CNTN4: variants seen among roughly 807,000 people sequenced by gnomAD.
CNTN4 encodes contactin 4, also known as contactin-4.
Under a neutral mutation model 122.5 loss-of-function variants are expected in CNTN4, and 77 were observed. That is an observed-to-expected ratio of 0.63 (90% confidence interval 0.52 to 0.76). CNTN4 has a LOEUF of 0.76. Ranked by LOEUF, CNTN4 falls within the 30% of genes least tolerant of loss-of-function variation. The probability of loss-of-function intolerance (pLI) is 0.00; values close to 1 mark genes in which losing one functional copy is unlikely to be tolerated. For synonymous variants in CNTN4, 512 were observed against 447.0 expected (o/e 1.15, Z -1.83); for missense variants, 1,256 against 1,259.1 (o/e 1.00, Z 0.04).
At chr3:2,946,003 C>CAAGAAAG in intron 13 of CNTN4, among the ~76,000 whole-genome samples, 1 of 152,194 alleles carries the variant, frequency 6.6e-6, no homozygotes, top group East Asian at 1.9e-4. Context: ...CAGAGAGTCT[C>CAAGAAAG]ATCTTCTTTC....
intron 3 of CNTN4, among the ~76,000 whole-genome samples, chr3:2,366,852 T>G (rs2045399853): frequency 6.6e-6 from 1 of 152,078 alleles, no homozygotes; most frequent in South Asian, 2.1e-4. Flanking sequence ...AAGCATTATC[T>G]TATTGACTAT....
At chr3:2,701,214 A>G (rs1019409376) in intron 4 of CNTN4, among the ~76,000 whole-genome samples, 1 of 152,208 alleles carries the variant, frequency 6.6e-6, no homozygotes, top group Non-Finnish European at 1.5e-5. Context: ...CCCACTTAGC[A>G]TCTGTAGAGT....
chr3:2,865,562 T>C (rs1024036354), intron 7 of CNTN4, among the ~76,000 whole-genome samples: 7 of 152,216 alleles, frequency 4.6e-5, no homozygotes, highest in Admixed American at 2.0e-4. Flanking sequence ...ATTTAGTTGT[T>C]CCCTTACCCT....
intron 6 of CNTN4, among the ~76,000 whole-genome samples, chr3:2,749,226 C>T (rs191111536): frequency 1.0e-3 from 152 of 152,142 alleles, no homozygotes; most frequent in African/African-American, 3.1e-3. Flanking sequence ...TGCAGTGGTG[C>T]GACCTCAGCT....
At chr3:2,999,688 C>T (rs144539011) in intron 14 of CNTN4, among the ~76,000 whole-genome samples, 450 of 152,228 alleles carry the variant, frequency 3.0e-3, no homozygotes, top group African/African-American at 1.0e-2. Context: ...ACTCCCCACA[C>T]GAAGGTCTTT....
At chr3:2,498,555 A>C (rs1481727233) in intron 3 of CNTN4, among the ~76,000 whole-genome samples, 1 of 152,120 alleles carries the variant, frequency 6.6e-6, no homozygotes, top group Non-Finnish European at 1.5e-5. Context: ...ATCATGGCTC[A>C]CTGCAGCCTT....
At chr3:2,861,050 A>C (rs2093666186) in intron 7 of CNTN4, among the ~76,000 whole-genome samples, 1 of 152,232 alleles carries the variant, frequency 6.6e-6, no homozygotes, top group Admixed American at 6.5e-5. Context: ...TTGTTGAAAA[A>C]AATGCCAAAA....
chr3:2,351,220 ATAG>A (rs1351492958), intron 3 of CNTN4, among the ~76,000 whole-genome samples: 1 of 152,174 alleles, frequency 6.6e-6, no homozygotes, highest in African/African-American at 2.4e-5. Flanking sequence ...AGACCATCTA[ATAG>A]TCAAACTAGA....
At chr3:2,125,732 T>C (rs889767452) in intron 2 of CNTN4, among the ~76,000 whole-genome samples, 3 of 151,786 alleles carry the variant, frequency 2.0e-5, no homozygotes, top group Non-Finnish European at 2.9e-5. Context: ...AAATTTTCTG[T>C]ATTTTTAGTA....
Position 2,351,822 on chromosome 3 carries a change from G to T in CNTN4, c.-89+12589G>T, listed in dbSNP as rs181225360. On this transcript the variant is annotated intron_variant, in intron 3 of 24. Coordinates refer to ENST00000418658, the MANE Select transcript of CNTN4 (RefSeq NM_175607.3). ...TGGTTACTGAGGTTGGGGGTTGAGA[G>T]GGGGAGGGAATGGGGGATTGTTGGT... Among the ~76,000 whole-genome samples the T allele has an allele frequency of 1.1e-4, 16 of 151,426 alleles. No individual in the cohort carries two copies. In the East Asian group the frequency reaches 2.2e-3, roughly 21 times the overall value.
intron 4 of CNTN4, among the ~76,000 whole-genome samples, chr3:2,713,853 T>C (rs759132565): frequency 2.0e-5 from 3 of 152,236 alleles, no homozygotes; most frequent in Non-Finnish European, 4.4e-5. Context: ...GCTCTGTCAT[T>C]TAGGCATATT....
At chr3:2,633,736 T>A (rs2082541578) in intron 4 of CNTN4, among the ~76,000 whole-genome samples, 2 of 152,228 alleles carry the variant, frequency 1.3e-5, no homozygotes, top group South Asian at 4.1e-4. Context: ...ATAACCTTGC[T>A]GGCATGAGGT....
intron 4 of CNTN4, among the ~76,000 whole-genome samples, chr3:2,705,611 A>G (rs1576511457): frequency 2.3e-5 from 1 of 42,830 alleles, no homozygotes; most frequent in Admixed American, 4.5e-4. Context: ...AATTTTATAT[A>G]TTTATATATA....
rs561188522 is a variant in CNTN4, at chr3:2,609,989, G to C, written c.55+38431G>C. On this transcript the variant is annotated intron_variant, in intron 4 of 24. Transcript: ENST00000418658. ...TTTTATCTTTGTCCCTTTGAGGTTAGAGATGATATCTTCTTGATTTCTCTG... is the reference window on the plus strand; with the variant it reads ...TTTTATCTTTGTCCCTTTGAGGTTACAGATGATATCTTCTTGATTTCTCTG... Among the ~76,000 whole-genome samples, 205 of 152,230 alleles carry C rather than the reference G, an allele frequency of 1.3e-3. 1 individual carries two copies. The highest frequency in any genetic ancestry group is 2.7e-3 in the Non-Finnish European group (183 of 68,026).
chr3:2,572,704 C>G (rs1438999019), intron 4 of CNTN4, among the ~76,000 whole-genome samples: 3 of 152,158 alleles, frequency 2.0e-5, no homozygotes, highest in African/African-American at 7.2e-5. Flanking sequence ...TGCATTCACT[C>G]AAATAATGTT....
intron 14 of CNTN4, among the ~76,000 whole-genome samples, chr3:3,006,942 C>T (rs1696712677): frequency 1.3e-5 from 2 of 152,146 alleles, no homozygotes; most frequent in Non-Finnish European, 2.9e-5. Context: ...TGCTACCTCC[C>T]CGCGCCATCA....
At chr3:2,662,927 C>A (rs2083970890) in intron 4 of CNTN4, among the ~76,000 whole-genome samples, 1 of 151,924 alleles carries the variant, frequency 6.6e-6, no homozygotes, top group African/African-American at 2.4e-5. Flanking sequence ...GCCCCATCTT[C>A]ACATTTGTAT....
intron 4 of CNTN4, among the ~76,000 whole-genome samples, chr3:2,600,756 G>A (rs1219533155): frequency 3.9e-5 from 6 of 152,180 alleles, no homozygotes; most frequent in Non-Finnish European, 2.9e-5. Context: ...TCTAGTTCTA[G>A]ATCCTTGAGG....
chr3:2,316,185 A>G (rs1463005100), intron 2 of CNTN4, among the ~76,000 whole-genome samples: 1 of 152,132 alleles, frequency 6.6e-6, no homozygotes, highest in Non-Finnish European at 1.5e-5. Flanking sequence ...ATAAATGGAA[A>G]TAACAGTAGA....
Sources: allele counts gnomAD v4.1 joint callset (sites outside exome capture counted in the v4.1 genomes callset), GRCh38; gene constraint gnomAD v4.1.1; transcripts MANE v1.5; gene names NCBI Gene and HGNC (gene_info 2026-07-23, HGNC 2026-07-21).